The following ARHGAP39 variants were observed in gnomAD, a reference collection of about 807,000 sequenced individuals.
ARHGAP39 encodes the protein Rho GTPase activating protein 39, also known as rho GTPase-activating protein 39.
A neutral mutation model predicts 106.9 loss-of-function variants in ARHGAP39; 44 were observed. The observed-to-expected ratio is 0.41, with a 90% CI of 0.32 to 0.53. The LOEUF (loss-of-function observed/expected upper bound fraction) is 0.53. Ranked by LOEUF, ARHGAP39 falls within the 20% of genes least tolerant of loss-of-function variation. The probability of loss-of-function intolerance (pLI) is 0.21; values close to 1 mark genes in which losing one functional copy is unlikely to be tolerated. For missense variants in ARHGAP39, 1,496 were observed against 1,577.3 expected (o/e 0.95, Z 0.87); for synonymous variants, 768 against 693.2 (o/e 1.11, Z -1.69).
In ARHGAP39 at chr8:144,671,175, T is replaced by C. The variant is rs1043412753; in HGVS notation, c.-82+14511A>G. The stretch of plus-strand genomic sequence containing the variant: ...AGGCCTATGTTGGGTGTCTCACCCA[T>C]GCCAGGCTCTGCGGGTCACTGACAA... On this transcript the variant is annotated intron_variant, in intron 1 of 11. Coordinates refer to ENST00000377307, the MANE Select transcript of ARHGAP39 (RefSeq NM_025251.3). This position sits in a 1 kb window ranked among gnomAD's most constrained non-coding sequence, Gnocchi z 4.5. 6.6e-6 allele frequency among the ~76,000 whole-genome samples: 1 copy of C among 152,220 alleles called. No homozygotes were observed. The highest frequency in any genetic ancestry group is 2.4e-5 in the African/African-American group (1 of 41,452).
rs192805473 is a variant in ARHGAP39 at position 144,601,235 on chromosome 8, C to T, written c.80+4300G>A. ...GGAGGTGCGTGTGCAAGCTCATGTACCTGTGTGCATGGAGGCGTGTGTGCT... is the reference window on the plus strand; with the variant it reads ...GGAGGTGCGTGTGCAAGCTCATGTATCTGTGTGCATGGAGGCGTGTGTGCT... On this transcript the variant is annotated intron_variant, in intron 2 of 11. Transcript: ENST00000377307. 7.4e-3 allele frequency among the ~76,000 whole-genome samples: 661 copies of T among 89,242 alleles called. 4 individuals are homozygous for T. The highest frequency in any genetic ancestry group is 0.028 in the African/African-American group (635 of 22,970). 58.5% of individuals were successfully genotyped at this position (89,242 alleles called of 152,430 possible). A position where few individuals can be genotyped will look rare whatever the true frequency, so the allele number is the denominator to read the frequency against.
intron 4 of ARHGAP39, among the ~76,000 whole-genome samples, chr8:144,549,309 C>G (rs770647263): frequency 6.6e-6 from 1 of 152,230 alleles, no homozygotes; most frequent in Admixed American, 6.5e-5. Context: ...CAGGGAGAGA[C>G]GAGGGGCCCC....
rs1041695426 is a variant in ARHGAP39 at position 144,604,253 on chromosome 8, G to A, written c.80+1282C>T. On this transcript the variant is annotated intron_variant, in intron 2 of 11. Coordinates refer to ENST00000377307, the MANE Select transcript of ARHGAP39 (RefSeq NM_025251.3). This position sits in a 1 kb window ranked among gnomAD's most constrained non-coding sequence, Gnocchi z 4.1. ...GGCCTCTGTCGGGGTCAGAGGTCATGTTGCCAGGTGAGGGGCAGATGGACA... is the reference window on the plus strand; with the variant it reads ...GGCCTCTGTCGGGGTCAGAGGTCATATTGCCAGGTGAGGGGCAGATGGACA... 6.6e-6 allele frequency among the ~76,000 whole-genome samples: 1 copy of A among 152,188 alleles called. No homozygotes were observed. The highest frequency in any genetic ancestry group is 1.5e-5 in the Non-Finnish European group (1 of 68,038).
At chr8:144,564,354 G>A (rs376005725) in intron 3 of ARHGAP39, among the ~76,000 whole-genome samples, 1 of 152,196 alleles carries the variant, frequency 6.6e-6, no homozygotes, top group Non-Finnish European at 1.5e-5. Flanking sequence ...GTGCCACTTG[G>A]TGCTTCCCCT....
At position 144,533,467 on chromosome 8, in the gene ARHGAP39, T is replaced by TTTC; in HGVS notation, c.2689-145_2689-143dup. The TTTC allele has an allele frequency of 1.2e-5, 10 of 847,428 alleles. No individual in the cohort carries two copies. In the South Asian group the frequency reaches 1.7e-4, roughly 14 times the overall value. The allele number at this position is 847,428 out of a possible 1,614,324, so 52.5% of individuals were successfully genotyped here. A position where few individuals can be genotyped will look rare whatever the true frequency, so the allele number is the denominator to read the frequency against. ...CACACACCTGGGTCCGAGTGTGGTGTTTCCCCAGGCCACTGTCCATCCCTG... is the reference window on the plus strand; with the variant it reads ...CACACACCTGGGTCCGAGTGTGGTGTTTCTTCCCCAGGCCACTGTCCATCCCTG... On this transcript the variant is annotated intron_variant, in intron 8 of 11. Coordinates refer to ENST00000377307, the MANE Select transcript of ARHGAP39 (RefSeq NM_025251.3).
At chr8:144,538,977 G>A (rs1034722691) in intron 6 of ARHGAP39, among the ~76,000 whole-genome samples, 2 of 61,240 alleles carry the variant, frequency 3.3e-5, no homozygotes, top group South Asian at 1.1e-3. Flanking sequence ...GCTGGCCCCT[G>A]TGTCCCTGTG....
chr8:144,615,479 C>T (rs921917912), intron 1 of ARHGAP39, among the ~76,000 whole-genome samples: 2 of 152,140 alleles, frequency 1.3e-5, no homozygotes, highest in African/African-American at 4.8e-5. Flanking sequence ...AAAATCCATT[C>T]TTGTTAAACA....
chr8:144,659,844 A>G (rs1241621324), intron 1 of ARHGAP39, among the ~76,000 whole-genome samples: 1 of 152,008 alleles, frequency 6.6e-6, no homozygotes, highest in Non-Finnish European at 1.5e-5. Context: ...CCCAAGATGC[A>G]TTTCCCTCTA....
chr8:144,628,192 G>T (rs1420318538), intron 1 of ARHGAP39, among the ~76,000 whole-genome samples: 1 of 152,148 alleles, frequency 6.6e-6, no homozygotes, highest in African/African-American at 2.4e-5. Flanking sequence ...TACCATGGTG[G>T]TCACCATGCA....
intron 1 of ARHGAP39, among the ~76,000 whole-genome samples, chr8:144,617,206 A>T (rs538322251): frequency 2.0e-4 from 27 of 134,750 alleles, no homozygotes; most frequent in African/African-American, 7.1e-4. Context: ...GACTCTGTGT[A>T]AAAAAAAAAA....
chr8:144,636,682 T>C (rs1319233033), intron 1 of ARHGAP39, among the ~76,000 whole-genome samples: 1 of 152,176 alleles, frequency 6.6e-6, no homozygotes, highest in Non-Finnish European at 1.5e-5. Context: ...AAACTAGCCT[T>C]GTACATGTTT....
In ARHGAP39 at chr8:144,662,623, G is replaced by A. The variant is rs185514061; in HGVS notation, c.-82+23063C>T. ...CCCTCCCGATTATCCACCTTGGGCC[G>A]CTCCCCACTCCCCATTATCCACCTT... On this transcript the variant is annotated intron_variant, in intron 1 of 11. Transcript: ENST00000377307. 2.0e-4 allele frequency among the ~76,000 whole-genome samples: 25 copies of A among 123,462 alleles called. 1 individual carries two copies. The highest frequency in any genetic ancestry group is 7.6e-4 in the African/African-American group (24 of 31,456). 81.0% of individuals were successfully genotyped at this position (123,462 alleles called of 152,430 possible).
At chr8:144,653,765 G>A (rs1213174396) in intron 1 of ARHGAP39, among the ~76,000 whole-genome samples, 4 of 152,068 alleles carry the variant, frequency 2.6e-5, no homozygotes, top group African/African-American at 7.2e-5. Flanking sequence ...GTCATGACAG[G>A]GACTGGACTT....
intron 9 of ARHGAP39, 131 bp downstream of exon 9, chr8:144,532,995 C>T: frequency 8.9e-7 from 1 of 1,127,476 alleles, no homozygotes; most frequent in South Asian, 1.5e-5. Context: ...CCCCACCCTT[C>T]CATCTGCTCT....
intron 4 of ARHGAP39, among the ~76,000 whole-genome samples, chr8:144,554,574 G>A (rs1444607182): frequency 6.6e-6 from 1 of 152,190 alleles, no homozygotes; most frequent in Non-Finnish European, 1.5e-5. Context: ...GGGTCCACAG[G>A]AAGCCCCAAG....
In ARHGAP39 at chr8:144,545,748, G is replaced by C. The variant is rs776816148; in HGVS notation, c.2022C>G (p.Pro674=). The C allele has an allele frequency of 1.9e-6, 3 of 1,609,838 alleles. No homozygotes were observed. The highest frequency in any genetic ancestry group is 2.2e-5 in the South Asian group (2 of 91,022). ...AAGTGGGGAAGACGCAGCTGGAGCT[G>C]GGAACGCCGCTGCGGCTCTGCCGGC... ...ESSRQSRSGV[P]SSSCVFPTFT... is the part of the protein sequence containing the mutation. Residue 674 remains proline, a synonymous_variant, in exon 6 of 12, where the codon CCC becomes CCG. Coordinates refer to ENST00000377307, the MANE Select transcript of ARHGAP39 (RefSeq NM_025251.3).
the ARHGAP39 span, among the ~76,000 whole-genome samples, chr8:144,695,847 T>C: frequency 6.6e-6 from 1 of 152,200 alleles, no homozygotes; most frequent in East Asian, 1.9e-4. Context: ...CTGCGGATAT[T>C]GCTCGCCACA....
At chr8:144,603,235 A>G (rs1459092734) in intron 2 of ARHGAP39, among the ~76,000 whole-genome samples, 1 of 118,690 alleles carries the variant, frequency 8.4e-6, no homozygotes, top group African/African-American at 3.4e-5. Flanking sequence ...GTGTGCCTGG[A>G]GGCGTGCGTG....
intron 1 of ARHGAP39, among the ~76,000 whole-genome samples, chr8:144,660,243 A>C (rs1821790321): frequency 6.6e-6 from 1 of 152,148 alleles, no homozygotes; most frequent in Non-Finnish European, 1.5e-5. Context: ...CACAAGCCTG[A>C]ATGGTCTCTC....
Sources: allele counts gnomAD v4.1 joint callset (sites outside exome capture counted in the v4.1 genomes callset), GRCh38; gene constraint gnomAD v4.1.1; non-coding constraint Gnocchi (gnomAD v3.1); transcripts MANE v1.5; gene names NCBI Gene and HGNC (gene_info 2026-07-23, HGNC 2026-07-21).